PSCA: variants seen among roughly 807,000 people sequenced by gnomAD.
The protein encoded by PSCA is prostate stem cell antigen.
A neutral mutation model predicts 7.9 loss-of-function variants in PSCA; 7 were observed. The observed-to-expected ratio is 0.89, with a 90% CI of 0.51 to 1.67. The LOEUF (loss-of-function observed/expected upper bound fraction) is 1.67, where lower values mean the gene tolerates loss of function less well. Ranked by LOEUF, PSCA falls within the 40% of genes most tolerant of loss-of-function variation. The pLI, the probability that PSCA is intolerant of heterozygous loss-of-function variation, is 0.00. For missense variants in PSCA, 151 were observed against 147.9 expected (o/e 1.02, Z -0.11); for synonymous variants, 61 against 68.3 (o/e 0.89, Z 0.53).
chr8:142,681,745 C>T (rs1206153233), intron 2 of PSCA, 176 bp from the exon 3 acceptor site: 12 of 619,018 alleles, frequency 1.9e-5, no homozygotes, highest in South Asian at 1.6e-4. Context: ...CTGCCTCGGA[C>T]ATCTGGATAG....
At chr8:142,680,665 G>T in intron 1 of PSCA, 102 bp downstream of exon 1, 2 of 1,413,976 alleles carry the variant, frequency 1.4e-6, no homozygotes, top group Admixed American at 4.0e-5. Flanking sequence ...AAGGAAGGAG[G>T]AAGGGAGAGG....
rs10216533 is a variant in PSCA at position 142,682,272 on chromosome 8, G to A, written c.*140G>A. Reference sequence around the variant, plus strand: ...CGCAAGTCTGACCATGTATGTCTGCGCCCCTGTCCCCCACCCTGACCCTCC... The same window carrying A: ...CGCAAGTCTGACCATGTATGTCTGCACCCCTGTCCCCCACCCTGACCCTCC... On this transcript the variant is annotated 3_prime_UTR_variant, in exon 3 of 3. Transcript: ENST00000301258. 464,427 of 1,062,104 alleles carry A rather than the reference G, an allele frequency of 0.44. 104,103 individuals carry two copies. Among genetic ancestry groups the A allele is most frequent in the Admixed American group, 0.54 (27,141 of 50,346 alleles). The allele number at this position is 1,062,104 out of a possible 1,614,324, so 65.8% of individuals were successfully genotyped here.
intron 1 of PSCA, among the ~76,000 whole-genome samples, chr8:142,675,393 C>T (rs1329426321): frequency 1.3e-5 from 2 of 152,138 alleles, no homozygotes; most frequent in Non-Finnish European, 2.9e-5. Context: ...CAGGAAAAGG[C>T]ACCTCCTCTG....
chr8:142,678,471 C>T (rs1847423262), upstream of PSCA, among the ~76,000 whole-genome samples: 2 of 152,200 alleles, frequency 1.3e-5, no homozygotes, highest in African/African-American at 2.4e-5. Flanking sequence ...GAGACAGCAG[C>T]GGCCACAAGT....
At chr8:142,675,853 G>C (rs1847394583), upstream of PSCA, 1 of 152,208 alleles carries the variant, frequency 6.6e-6, no homozygotes, top group African/African-American at 2.4e-5. Flanking sequence ...GATCTGCAAG[G>C]GCGTTTTTCC....
At position 142,673,476 on chromosome 8, in the gene PSCA, T is replaced by G. The variant is rs1554637532; in HGVS notation, n.261+2908T>G. ...AATACACTAGCGTGTAATCACCCAG[T>G]GGGTTCATTTTGACCCCTGGCAAGA... On this transcript the variant is annotated intron_variant and non_coding_transcript_variant, in intron 1 of 1. Coordinates refer to the PSCA transcript ENST00000505305. This position sits in a 1 kb window ranked among gnomAD's most constrained non-coding sequence, Gnocchi z 4.6. Among the ~76,000 whole-genome samples the G allele has an allele frequency of 1.3e-5, 2 of 152,248 alleles. No homozygotes were observed. Among genetic ancestry groups the G allele is most frequent in the Non-Finnish European group, 2.9e-5 (2 of 68,038 alleles).
At chr8:142,680,106 C>T (rs1440416949), upstream of PSCA, 8 of 187,862 alleles carry the variant, frequency 4.3e-5, no homozygotes, top group African/African-American at 1.6e-4. Flanking sequence ...CCCCAGAGGG[C>T]GGCACAGCTT....
At chr8:142,672,841 A>G (rs1451946336) in intron 1 of PSCA, among the ~76,000 whole-genome samples, 1 of 152,168 alleles carries the variant, frequency 6.6e-6, no homozygotes, top group African/African-American at 2.4e-5. Context: ...CTGATTTACA[A>G]AGGGCCCACA....
At position 142,680,729 on chromosome 8, in the gene PSCA, C is replaced by T. The variant is rs149017213; in HGVS notation, c.25+166C>T. On this transcript the variant is annotated intron_variant, in intron 1 of 2. Transcript: ENST00000301258. ...CGCTCCTCCAGGGAAGCTCTTGGCA[C>T]GACCAGGCAGCGACCTGTTCCCTGC... The T allele has an allele frequency of 4.7e-4, 439 of 931,890 alleles. 4 individuals are homozygous for T. The East Asian group carries it at 0.011, about 23-fold the overall frequency. 57.7% of individuals were successfully genotyped at this position (931,890 alleles called of 1,614,324 possible).
intron 2 of PSCA, 108 bp from the exon 3 acceptor site, chr8:142,681,813 C>T: frequency 1.2e-6 from 1 of 808,828 alleles, no homozygotes; most frequent in Non-Finnish European, 1.9e-6. Flanking sequence ...GAGGCCAGCC[C>T]AGGGGGACTC....
intron 1 of PSCA, among the ~76,000 whole-genome samples, chr8:142,672,437 T>C (rs1847344147): frequency 1.3e-5 from 2 of 152,182 alleles, no homozygotes; most frequent in African/African-American, 4.8e-5. Flanking sequence ...AATTTGGCCA[T>C]GCTAGAGTCA....
At chr8:142,670,493 G>A (rs1847302041) in exon 1 of PSCA, 1 of 152,272 alleles carries the variant, frequency 6.6e-6, no homozygotes, top group Non-Finnish European at 1.5e-5. Context: ...CCCTTACTTA[G>A]CTGGGGTCCA....
intron 2 of PSCA, 29 bp downstream of exon 2, chr8:142,681,463 C>T: frequency 6.5e-7 from 1 of 1,543,814 alleles, no homozygotes; most frequent in Non-Finnish European, 8.8e-7. Flanking sequence ...GCCGCCAGGC[C>T]TAGGTCTCTG....
Position 142,681,373 on chromosome 8 carries a change from G to T in PSCA, c.72G>T (p.Glu24Asp). 1 of 1,588,356 alleles carries T rather than the reference G, an allele frequency of 6.3e-7. No individual in the cohort carries two copies. The highest frequency in any genetic ancestry group is 2.3e-5 in the East Asian group (1 of 43,534). The part of the protein sequence containing the change: ...CYSCKAQVSN[E>D]DCLQVENCTQ... ...CCTGCAAAGCCCAGGTGAGCAACGA[G>T]GACTGCCTGCAGGTGGAGAACTGCA... Residue 24 changes from glutamate to aspartate, a missense_variant, in exon 2 of 3, where the codon GAG (glutamate) becomes GAT (aspartate). Physicochemically the swap from Glu to Asp is conservative, Grantham distance 45 (BLOSUM62 2). Coordinates refer to ENST00000301258, the MANE Select transcript of PSCA (RefSeq NM_005672.5).
chr8:142,670,911 C>T (rs1847311707), intron 1 of PSCA, among the ~76,000 whole-genome samples: 1 of 152,186 alleles, frequency 6.6e-6, no homozygotes. Flanking sequence ...CCTTGATGCT[C>T]AAATCCCTTA....
chr8:142,674,755 A>G (rs1847377993), intron 1 of PSCA, among the ~76,000 whole-genome samples: 1 of 151,970 alleles, frequency 6.6e-6, no homozygotes, highest in African/African-American at 2.4e-5. Flanking sequence ...CTGCTTCCCT[A>G]CTGAGCGGAG....
chr8:142,678,164 C>T (rs1429233816), upstream of PSCA, among the ~76,000 whole-genome samples: 5 of 152,138 alleles, frequency 3.3e-5, no homozygotes, highest in South Asian at 2.1e-4. Context: ...TCCGATTCCC[C>T]GAGACTTTTC....
chr8:142,681,575 C>A, intron 2 of PSCA, 141 bp downstream of exon 2: 3 of 719,776 alleles, frequency 4.2e-6, no homozygotes, highest in Non-Finnish European at 7.2e-6. Context: ...CAACAATCAC[C>A]CAGCATCTGT....
At chr8:142,671,711 C>G (rs1847330687) in intron 1 of PSCA, among the ~76,000 whole-genome samples, 1 of 152,132 alleles carries the variant, frequency 6.6e-6, no homozygotes, top group Non-Finnish European at 1.5e-5. Flanking sequence ...ACTGTCTCAC[C>G]TATCTTTTTA....
Sources: gnomAD v4.1 joint callset for allele counts (sites outside exome capture counted in the v4.1 genomes callset) on GRCh38, gnomAD v4.1.1 for gene constraint, Gnocchi (gnomAD v3.1) non-coding constraint, MANE v1.5 for transcripts, NCBI Gene and HGNC (gene_info 2026-07-23, HGNC 2026-07-21) for gene names.